GRID2IP: variants seen among roughly 807,000 people sequenced by gnomAD.
GRID2IP encodes Grid2 interacting protein, also known as delphilin.
In GRID2IP, 78 loss-of-function variants were observed where a neutral mutation model predicts 114.3. The ratio of observed to expected loss-of-function variants is 0.68; its 90% CI spans 0.57 to 0.82. The LOEUF (loss-of-function observed/expected upper bound fraction) is 0.82. Among genes scored for constraint, GRID2IP ranks in the 40% least tolerant of loss-of-function variants. The pLI, the probability that GRID2IP is intolerant of heterozygous loss-of-function variation, is 0.00. For synonymous variants in GRID2IP, 809 were observed against 724.0 expected (o/e 1.12, Z -1.89); for missense variants, 1,727 against 1,678.5 (o/e 1.03, Z -0.51).
At chr7:6,514,306 T>C in intron 8 of GRID2IP, 69 bp downstream of exon 8, 2 of 1,295,598 alleles carry the variant, frequency 1.5e-6, no homozygotes, top group East Asian at 2.7e-5. Flanking sequence ...CAGGTGTCTG[T>C]CTGTTCACCT....
At chr7:6,513,605 CTG>C (rs1409736277) in intron 8 of GRID2IP, among the ~76,000 whole-genome samples, 1 of 152,162 alleles carries the variant, frequency 6.6e-6, no homozygotes, top group Non-Finnish European at 1.5e-5. Context: ...GGTGCAAAAA[CTG>C]AGACTGCAGG....
chr7:6,540,433 T>G (rs1218932375), intron 1 of GRID2IP, among the ~76,000 whole-genome samples: 1 of 152,024 alleles, frequency 6.6e-6, no homozygotes, highest in Non-Finnish European at 1.5e-5. Flanking sequence ...TTTCTAACCA[T>G]GTATCTGCCC....
At chr7:6,538,252 G>A (rs1385248522) in intron 2 of GRID2IP, among the ~76,000 whole-genome samples, 3 of 152,152 alleles carry the variant, frequency 2.0e-5, no homozygotes, top group Non-Finnish European at 2.9e-5. Flanking sequence ...TGAAGTCCCA[G>A]CTACTCAGGA....
Position 6,498,093 on chromosome 7 carries a change from T to TGCCG in GRID2IP, c.3531_3534dup (p.Ile1179ArgfsTer16). The TGCCG allele has an allele frequency of 6.4e-7, 1 of 1,551,530 alleles. No individual in the cohort carries two copies. The highest frequency in any genetic ancestry group is 8.7e-7 in the Non-Finnish European group (1 of 1,146,910). ...AATTTGCTCATGAACTCTGCAAAGATGCCGAAGAAAGCCTCAGAGGTGGTG... is the reference window on the plus strand; with the variant it reads ...AATTTGCTCATGAACTCTGCAAAGATGCCGGCCGAAGAAAGCCTCAGAGGTGGTG... On this transcript the variant is annotated frameshift_variant, in exon 21 of 22. Transcript: ENST00000457091. LOFTEE classifies it high-confidence loss of function.
intron 8 of GRID2IP, among the ~76,000 whole-genome samples, chr7:6,513,637 A>G (rs1779224498): frequency 6.6e-6 from 1 of 152,074 alleles, no homozygotes; most frequent in African/African-American, 2.4e-5. Context: ...GCAGTGTCTA[A>G]AGTCTCAGGT....
Position 6,511,015 on chromosome 7 carries a change from A to C in GRID2IP, c.1448T>G (p.Leu483Arg). The C allele has an allele frequency of 6.7e-7, 1 of 1,497,818 alleles. No individual in the cohort carries two copies. Among genetic ancestry groups the C allele is most frequent in the Non-Finnish European group, 8.9e-7 (1 of 1,123,016 alleles). The allele number at this position is 1,497,818 out of a possible 1,614,324, so 92.8% of individuals were successfully genotyped here. The part of the protein sequence containing the change: ...MTAEPEPELD[L>R]ESEPTPEPQP... Reference sequence around the variant, plus strand: ...GGGCTCAGGCGTGGGCTCGGACTCCAGGTCCAGCTCAGGCTCCGGCTCTGC... The same window carrying C: ...GGGCTCAGGCGTGGGCTCGGACTCCCGGTCCAGCTCAGGCTCCGGCTCTGC... The change falls in exon 9 of 22, where the codon CTG (leucine) becomes CGG (arginine). Residue 483 changes from leucine to arginine, a missense_variant. Leu to Arg is a moderately radical substitution (Grantham distance 102). Transcript: ENST00000457091.
chr7:6,550,788 A>T (rs561510039), intron 1 of GRID2IP, among the ~76,000 whole-genome samples: 1 of 151,824 alleles, frequency 6.6e-6, no homozygotes, highest in African/African-American at 2.4e-5. Flanking sequence ...AGACCTGGCC[A>T]CTGCACTCCA....
At chr7:6,510,476 C>A in intron 10 of GRID2IP, 76 bp from the exon 11 acceptor site, 1 of 1,351,222 alleles carries the variant, frequency 7.4e-7, no homozygotes, top group South Asian at 1.5e-5. Flanking sequence ...CCTGGGTGGG[C>A]CGGGAGGCAG....
At chr7:6,505,259 A>C (rs1786543120) in intron 14 of GRID2IP, among the ~76,000 whole-genome samples, 1 of 151,226 alleles carries the variant, frequency 6.6e-6, no homozygotes, top group African/African-American at 2.4e-5. Flanking sequence ...CTTCCTCATT[A>C]GGAAGTGGGG....
intron 1 of GRID2IP, among the ~76,000 whole-genome samples, chr7:6,541,485 C>G (rs962319324): frequency 6.6e-6 from 1 of 152,210 alleles, no homozygotes; most frequent in Non-Finnish European, 1.5e-5. Flanking sequence ...TCCCTCAGTT[C>G]TCTCTCCAAA....
In GRID2IP at chr7:6,508,929, C is replaced by T. The variant is rs566625348; in HGVS notation, c.2127+29G>A. The T allele has an allele frequency of 1.1e-4, 173 of 1,534,614 alleles. No homozygotes were observed. In the African/African-American group the frequency reaches 2.0e-3, roughly 18 times the overall value. ...AGACCGCCACACCTCGCCTCACCCG[C>T]CTCCCTCCACACCTGCTTGCGTGCC... On this transcript the variant is annotated intron_variant, in intron 12 of 21. Transcript: ENST00000457091. This position sits in a 1 kb window ranked among gnomAD's most constrained non-coding sequence, Gnocchi z 5.6.
chr7:6,502,225 GC>G, intron 18 of GRID2IP, 107 bp from the exon 19 acceptor site: 3 of 1,111,302 alleles, frequency 2.7e-6, no homozygotes, highest in Non-Finnish European at 1.3e-6. Flanking sequence ...AATTCTTGGC[GC>G]CCCCACTTTT....
chr7:6,504,628 G>A (rs1279082928), intron 15 of GRID2IP, among the ~76,000 whole-genome samples, 165 bp downstream of exon 15: 1 of 152,140 alleles, frequency 6.6e-6, no homozygotes, highest in African/African-American at 2.4e-5. Flanking sequence ...CGCCCAGATG[G>A]GATCTGGCTG....
In GRID2IP at chr7:6,526,062, G is replaced by C. The variant is rs1302143026; in HGVS notation, c.919+162C>G. ...AATGGGATTCAGATCTGCTGGCTCT[G>C]GGACACTCTGGGGACACGGTCTACA... On this transcript the variant is annotated intron_variant, in intron 4 of 21. Coordinates refer to ENST00000457091, the MANE Select transcript of GRID2IP (RefSeq NM_001145118.2). The surrounding 1 kb of genome is among the most constrained non-coding windows in gnomAD (Gnocchi z 7.6). Among the ~76,000 whole-genome samples, 1 of 152,128 alleles carries C rather than the reference G, an allele frequency of 6.6e-6. No homozygotes were observed. Among genetic ancestry groups the C allele is most frequent in the African/African-American group, 2.4e-5 (1 of 41,420 alleles).
intron 2 of GRID2IP, among the ~76,000 whole-genome samples, chr7:6,531,547 GC>G (rs1779623368): frequency 6.6e-6 from 1 of 152,250 alleles, no homozygotes; most frequent in African/African-American, 2.4e-5. Flanking sequence ...GGCCTCCAGG[GC>G]TCAGCAGGAG....
Position 6,499,250 on chromosome 7 carries a change from A to G in GRID2IP, c.3400-1022T>C, listed in dbSNP as rs569618420. On this transcript the variant is annotated intron_variant, in intron 20 of 21. Coordinates refer to ENST00000457091, the MANE Select transcript of GRID2IP (RefSeq NM_001145118.2). ...GGTTGAACCCACCAGGGTCACATCA[A>G]TTAATGACCACTGTGGTAGAGGTTC... 7.9e-5 allele frequency among the ~76,000 whole-genome samples: 12 copies of G among 152,240 alleles called. No homozygotes were observed. In the South Asian group the frequency reaches 1.5e-3, roughly 18 times the overall value.
intron 8 of GRID2IP, among the ~76,000 whole-genome samples, chr7:6,511,420 G>T (rs981948278): frequency 1.3e-5 from 2 of 151,950 alleles, no homozygotes; most frequent in South Asian, 2.1e-4. Flanking sequence ...TTGCCCAGGT[G>T]GGAGTGCAGT....
chr7:6,497,753 G>T lies in GRID2IP; in HGVS notation c.*21C>A, dbSNP rs1374067422. ...CCTCCATCTCCCTGCTCAGGCCGCA[G>T]AGGACGCGGTGTGGCCACTGTCACC... On this transcript the variant is annotated 3_prime_UTR_variant, in exon 22 of 22. Coordinates refer to ENST00000457091, the MANE Select transcript of GRID2IP (RefSeq NM_001145118.2). 6.5e-7 allele frequency: 1 copy of T among 1,539,894 alleles called. No homozygotes were observed. Among genetic ancestry groups the T allele is most frequent in the Non-Finnish European group, 8.8e-7 (1 of 1,138,758 alleles).
chr7:6,550,998 C>T lies in GRID2IP; in HGVS notation c.429+10G>A. On this transcript the variant is annotated intron_variant, in intron 1 of 21. Transcript: ENST00000457091. ...CCTTCCCGCCCCCACCTCCCACCCCCGCGCCTTACCTTGCGGCTGAACTCT... is the reference window on the plus strand; with the variant it reads ...CCTTCCCGCCCCCACCTCCCACCCCTGCGCCTTACCTTGCGGCTGAACTCT... 1 of 1,242,472 alleles carries T rather than the reference C, an allele frequency of 8.0e-7. No homozygotes were observed. 77.0% of individuals were successfully genotyped at this position (1,242,472 alleles called of 1,614,324 possible).
Sources: gnomAD v4.1 joint callset for allele counts (sites outside exome capture counted in the v4.1 genomes callset) on GRCh38, gnomAD v4.1.1 for gene constraint, Gnocchi (gnomAD v3.1) non-coding constraint, MANE v1.5 for transcripts, NCBI Gene and HGNC (gene_info 2026-07-23, HGNC 2026-07-21) for gene names.